Variants in LRP1B observed in about 807,000 individuals in gnomAD.
LRP1B encodes LDL receptor related protein 1B.
A neutral mutation model predicts 556.6 loss-of-function variants in LRP1B; 217 were observed. That is an observed-to-expected ratio of 0.39 (90% CI 0.35 to 0.44). The LOEUF is 0.44. Ranked by LOEUF, LRP1B falls within the 20% of genes least tolerant of loss-of-function variation. The pLI is 1.00. For synonymous variants in LRP1B, 2,047 were observed against 1,865.8 expected (o/e 1.10, Z -2.50); for missense variants, 5,053 against 5,620.8 (o/e 0.90, Z 3.23).
intron 82 of LRP1B, among the ~76,000 whole-genome samples, chr2:140,319,414 A>G (rs1033853637): frequency 3.9e-5 from 6 of 152,122 alleles, no homozygotes; most frequent in African/African-American, 1.4e-4. Context: ...TGTGAGGGCA[A>G]TGGGTGAGGG....
At chr2:141,003,943 C>T (rs192494305) in intron 15 of LRP1B, among the ~76,000 whole-genome samples, 47 of 151,978 alleles carry the variant, frequency 3.1e-4, no homozygotes, top group African/African-American at 8.9e-4. Context: ...GATTTCTTAG[C>T]GGTTTATTTC....
chr2:141,244,127 C>G (rs1683983665), intron 5 of LRP1B, among the ~76,000 whole-genome samples: 1 of 152,174 alleles, frequency 6.6e-6, no homozygotes, highest in African/African-American at 2.4e-5. Context: ...TTAGAGGCAG[C>G]TTCCCAGCTG....
chr2:141,304,639 C>G (rs1686519293), intron 3 of LRP1B, among the ~76,000 whole-genome samples: 1 of 151,386 alleles, frequency 6.6e-6, no homozygotes, highest in Non-Finnish European at 1.5e-5. Flanking sequence ...ACCACCACAC[C>G]CAGCTATTGT....
chr2:142,098,100 A>G (rs1290094467), intron 1 of LRP1B, among the ~76,000 whole-genome samples: 1 of 151,742 alleles, frequency 6.6e-6, no homozygotes, highest in Non-Finnish European at 1.5e-5. Context: ...CAGGAAATGA[A>G]GAGTGTGTGG....
intron 71 of LRP1B, among the ~76,000 whole-genome samples, chr2:140,365,247 A>G (rs925630141): frequency 6.6e-6 from 1 of 151,652 alleles, no homozygotes; most frequent in Non-Finnish European, 1.5e-5. Flanking sequence ...ATAGCCAGTA[A>G]AAATTTTTTT....
At chr2:141,602,619 T>TA (rs1001465511) in intron 2 of LRP1B, among the ~76,000 whole-genome samples, 52 of 152,280 alleles carry the variant, frequency 3.4e-4, no homozygotes, top group African/African-American at 1.2e-3. Flanking sequence ...CTAAACTCCC[T>TA]AAAAAATCCT....
At chr2:141,820,253 T>C (rs898450312) in intron 1 of LRP1B, among the ~76,000 whole-genome samples, 2 of 152,202 alleles carry the variant, frequency 1.3e-5, no homozygotes, top group African/African-American at 4.8e-5. Context: ...CAAAAGATAA[T>C]TCCTTTAGGG....
intron 77 of LRP1B, among the ~76,000 whole-genome samples, chr2:140,348,363 T>C (rs1248258550): frequency 3.3e-5 from 5 of 152,068 alleles, no homozygotes; most frequent in Admixed American, 3.3e-4. Flanking sequence ...TTTAAAATAA[T>C]GTATTGGCTA....
intron 3 of LRP1B, among the ~76,000 whole-genome samples, chr2:141,446,169 G>C (rs1681185867): frequency 6.6e-6 from 1 of 151,852 alleles, no homozygotes; most frequent in Non-Finnish European, 1.5e-5. Context: ...TTACCATTAT[G>C]TAATGCCTTT....
intron 2 of LRP1B, among the ~76,000 whole-genome samples, chr2:141,790,399 T>A (rs1444602830): frequency 6.6e-6 from 1 of 151,854 alleles, no homozygotes; most frequent in East Asian, 1.9e-4. Flanking sequence ...TCAGAGCAGT[T>A]GTTTCAAGCT....
Position 142,130,832 on chromosome 2 carries a change from C to G in LRP1B, c.-103G>C, listed in dbSNP as rs773032233. On this transcript the variant is annotated 5_prime_UTR_variant, in exon 1 of 91. Coordinates refer to ENST00000389484, the MANE Select transcript of LRP1B (RefSeq NM_018557.3). ...GGGCCGCTTGGAGCCTGGAATCGAG[C>G]GGCGTCATTTACAAATGTCACTGGA... 2.2e-5 allele frequency: 19 copies of G among 875,594 alleles called. No homozygotes were observed. Among genetic ancestry groups the G allele is most frequent in the Non-Finnish European group, 3.6e-5 (19 of 533,738 alleles). The allele number at this position is 875,594 out of a possible 1,614,324, so 54.2% of individuals were successfully genotyped here. A position where few individuals can be genotyped will look rare whatever the true frequency, so the allele number is the denominator to read the frequency against.
At chr2:141,850,815 C>T (rs890157558) in intron 1 of LRP1B, among the ~76,000 whole-genome samples, 6 of 151,596 alleles carry the variant, frequency 4.0e-5, no homozygotes, top group South Asian at 2.1e-4. Context: ...TTTCCTGAAG[C>T]ATGTACAGTT....
At chr2:141,056,747 G>A (rs1046231083) in intron 9 of LRP1B, among the ~76,000 whole-genome samples, 1 of 151,828 alleles carries the variant, frequency 6.6e-6, no homozygotes, top group East Asian at 2.0e-4. Context: ...GGCTTTAAAT[G>A]TGACCTGTCT....
intron 3 of LRP1B, among the ~76,000 whole-genome samples, chr2:141,385,357 C>T (rs1467624252): frequency 2.0e-5 from 3 of 151,996 alleles, no homozygotes; most frequent in Non-Finnish European, 4.4e-5. Flanking sequence ...ATCAACAATC[C>T]ACAAGTTTTG....
chr2:141,755,147 G>C (rs1694270927), intron 2 of LRP1B, among the ~76,000 whole-genome samples: 2 of 152,068 alleles, frequency 1.3e-5, no homozygotes, highest in Admixed American at 1.3e-4. Context: ...AGCAACCATA[G>C]TGAAGAAGAT....
rs555537840 is a variant in LRP1B, at chr2:142,126,900, G to A, written c.82+3748C>T. ...GAGCTGATTTTTATGGTATCCCCTG[G>A]GCTGAGAAAAGAAATTGACAAGGTA... On this transcript the variant is annotated intron_variant, in intron 1 of 90. Transcript: ENST00000389484. 7.2e-5 allele frequency among the ~76,000 whole-genome samples: 11 copies of A among 151,778 alleles called. No individual in the cohort carries two copies. In the South Asian group the frequency reaches 1.5e-3, roughly 20 times the overall value.
At chr2:141,544,383 T>TTCTTCTTCTTCTTCTTCTTCTTCC (rs1685465218) in intron 2 of LRP1B, among the ~76,000 whole-genome samples, 3 of 71,110 alleles carry the variant, frequency 4.2e-5, no homozygotes, top group African/African-American at 9.4e-5. Context: ...CTTCTTCTTC[T>TTCTTCTTCTTCTTCTTCTTCTTCC]CCTCCTCCTC....
chr2:140,550,133 CACCTGCTCAAATG>C (rs1355509324), intron 43 of LRP1B, among the ~76,000 whole-genome samples: 1 of 152,070 alleles, frequency 6.6e-6, no homozygotes. Context: ...CTTTGCACTG[CACCTGCTCAAATG>C]ACCTGGCTGC....
intron 25 of LRP1B, among the ~76,000 whole-genome samples, chr2:140,881,253 A>AGTGTGTGTGTGTGTGT (rs3063611): frequency 6.7e-6 from 1 of 149,032 alleles, no homozygotes; most frequent in East Asian, 2.0e-4. Context: ...CTTTGCTGTA[A>AGTGTGTGTGTGTGTGT]GTGTGTGTGT....
Sources: allele counts gnomAD v4.1 joint callset (sites outside exome capture counted in the v4.1 genomes callset), GRCh38; gene constraint gnomAD v4.1.1; transcripts MANE v1.5; gene names NCBI Gene and HGNC (gene_info 2026-07-23, HGNC 2026-07-21).